The following ZDHHC11B variants were observed in gnomAD, a reference collection of about 807,000 sequenced individuals.
The protein encoded by ZDHHC11B is zDHHC palmitoyltransferase 11B (putative).
ZDHHC11B carries 17 observed loss-of-function variants against 42.3 expected under a neutral mutation model. That is an observed-to-expected ratio of 0.40 (90% CI 0.27 to 0.60). The LOEUF (loss-of-function observed/expected upper bound fraction) is 0.60, where lower values mean the gene tolerates loss of function less well. ZDHHC11B is among the 20% of genes least tolerant of loss of function. The pLI is 0.41. For missense variants in ZDHHC11B, 262 were observed against 463.2 expected (o/e 0.57, Z 3.99); for synonymous variants, 123 against 193.5 (o/e 0.64, Z 3.02).
chr5:739,285 GTACT>G (rs1486721202), intron 10 of ZDHHC11B, among the ~76,000 whole-genome samples: 1 of 150,754 alleles, frequency 6.6e-6, no homozygotes, highest in African/African-American at 2.5e-5. Context: ...GTAATCCCAG[GTACT>G]TGGGAGCCTG....
chr5:741,958 G>A (rs551870240), intron 9 of ZDHHC11B, among the ~76,000 whole-genome samples: 5 of 131,806 alleles, frequency 3.8e-5, no homozygotes, highest in African/African-American at 1.4e-4. Flanking sequence ...ACCAGCCCTC[G>A]GTGGTGTCTG....
intron 12 of ZDHHC11B, among the ~76,000 whole-genome samples, chr5:729,620 C>G (rs1462041054): frequency 5.3e-5 from 8 of 151,100 alleles, no homozygotes; most frequent in African/African-American, 2.0e-4. Context: ...TACCTTTCCA[C>G]TTCATTTTCT....
intron 11 of ZDHHC11B, chr5:732,152 T>G (rs745693380): frequency 0.017 from 2,688 of 157,254 alleles, 107 homozygotes; most frequent in African/African-American, 0.059. Context: ...TGCCACGGAC[T>G]TGGGTGTCAG....
At chr5:760,260 A>G (rs1227631801) in intron 4 of ZDHHC11B, among the ~76,000 whole-genome samples, 5 of 151,796 alleles carry the variant, frequency 3.3e-5, no homozygotes, top group African/African-American at 1.2e-4. Context: ...GCACCCGTGG[A>G]TGTGACCTCG....
At chr5:717,966 A>G (rs1242492554) in intron 12 of ZDHHC11B, among the ~76,000 whole-genome samples, 1 of 151,894 alleles carries the variant, frequency 6.6e-6, no homozygotes, top group Non-Finnish European at 1.5e-5. Context: ...TAGTCTTGGT[A>G]GACACAGAGA....
rs1741335920 is a variant in ZDHHC11B, at chr5:711,163, C to T, written c.*1127G>A. ...GGCTCCCCTTTCCCAGTACTGTGCTCCGCTTTCCCAGTACTATGCTCCCAT... is the reference window on the plus strand; with the variant it reads ...GGCTCCCCTTTCCCAGTACTGTGCTTCGCTTTCCCAGTACTATGCTCCCAT... On this transcript the variant is annotated 3_prime_UTR_variant, in exon 14 of 14. Coordinates refer to ENST00000508859, the MANE Select transcript of ZDHHC11B (RefSeq NM_001351303.2). 6.5e-6 allele frequency: 1 copy of T among 155,022 alleles called. No individual in the cohort carries two copies. Among genetic ancestry groups the T allele is most frequent in the African/African-American group, 2.4e-5 (1 of 41,086 alleles). 9.6% of individuals were successfully genotyped at this position (155,022 alleles called of 1,614,324 possible).
At position 730,429 on chromosome 5, in the gene ZDHHC11B, C is replaced by T. The variant is rs1742933496; in HGVS notation, c.1058+5G>A. The T allele has an allele frequency of 6.3e-7, 1 of 1,578,938 alleles. No individual in the cohort carries two copies. Among genetic ancestry groups the T allele is most frequent in the South Asian group, 1.2e-5 (1 of 83,200 alleles). On this transcript the variant is annotated splice_donor_5th_base_variant and intron_variant, in intron 12 of 13. Transcript: ENST00000508859. Reference sequence around the variant, plus strand: ...AAAACGTTCCCATTAAACTTACGAACTTACCCAAGTGTAGATGTACTCGGG... The same window carrying T: ...AAAACGTTCCCATTAAACTTACGAATTTACCCAAGTGTAGATGTACTCGGG...
intron 12 of ZDHHC11B, among the ~76,000 whole-genome samples, chr5:726,050 C>T (rs1252302677): frequency 6.7e-5 from 9 of 134,276 alleles, no homozygotes; most frequent in Non-Finnish European, 4.8e-5. Context: ...TGGTCAGCTA[C>T]GTCCACCCAT....
chr5:729,020 A>T lies in ZDHHC11B; in HGVS notation c.1058+1414T>A, dbSNP rs191730227. On this transcript the variant is annotated intron_variant, in intron 12 of 13. Transcript: ENST00000508859. ...AGAGAAAGACCCTGTCTCAAAAAAAAAAAAAAATGTTGCTCCATGATCCAG... is the reference window on the plus strand; with the variant it reads ...AGAGAAAGACCCTGTCTCAAAAAAATAAAAAAATGTTGCTCCATGATCCAG... Among the ~76,000 whole-genome samples, 1,048 of 151,276 alleles carry T rather than the reference A, an allele frequency of 6.9e-3. 10 individuals are homozygous for T. The highest frequency in any genetic ancestry group is 9.7e-3 in the Non-Finnish European group (654 of 67,590).
At chr5:748,306 G>A in intron 8 of ZDHHC11B, 98 bp downstream of exon 8, 1 of 890,556 alleles carries the variant, frequency 1.1e-6, no homozygotes, top group South Asian at 1.8e-5. Flanking sequence ...CAGGTGTGGG[G>A]GGCTCAGGGT....
chr5:765,819 G>A lies in ZDHHC11B; in HGVS notation c.222+879C>T, dbSNP rs1423535831. Among the ~76,000 whole-genome samples, 13 of 151,854 alleles carry A rather than the reference G, an allele frequency of 8.6e-5. 1 individual carries two copies. The highest frequency in any genetic ancestry group is 2.1e-4 in the South Asian group (1 of 4,790). On this transcript the variant is annotated intron_variant, in intron 4 of 13. Coordinates refer to ENST00000508859, the MANE Select transcript of ZDHHC11B (RefSeq NM_001351303.2). Reference sequence around the variant, plus strand: ...AGAAGGAACAAACTCCAGACACGCCGCCTTTAAGAACTGTAACACTCACCG... The same window carrying A: ...AGAAGGAACAAACTCCAGACACGCCACCTTTAAGAACTGTAACACTCACCG...
At chr5:778,175 G>C (rs1176249288) in intron 1 of ZDHHC11B, among the ~76,000 whole-genome samples, 5 of 151,828 alleles carry the variant, frequency 3.3e-5, no homozygotes, top group Admixed American at 1.3e-4. Flanking sequence ...TGCCCAGCCA[G>C]TGCCCACCAC....
rs532211645 is a variant in ZDHHC11B at position 726,254 on chromosome 5, G to A, written c.1058+4180C>T. 1.1e-4 allele frequency among the ~76,000 whole-genome samples: 16 copies of A among 151,644 alleles called. 1 individual carries two copies. The East Asian group carries it at 3.1e-3, about 29-fold the overall frequency. ...CAAAGCGTGACATGATTTAAACAAAGTCCCTGATCGCTAGAAACAGATGTT... is the reference window on the plus strand; with the variant it reads ...CAAAGCGTGACATGATTTAAACAAAATCCCTGATCGCTAGAAACAGATGTT... On this transcript the variant is annotated intron_variant, in intron 12 of 13. Coordinates refer to ENST00000508859, the MANE Select transcript of ZDHHC11B (RefSeq NM_001351303.2).
chr5:722,635 T>C (rs1482407824), intron 12 of ZDHHC11B, among the ~76,000 whole-genome samples: 6 of 151,642 alleles, frequency 4.0e-5, no homozygotes, highest in African/African-American at 9.7e-5. Context: ...CTGGACATTC[T>C]AGCAATTGCA....
At position 784,039 on chromosome 5, in the gene ZDHHC11B, C is replaced by A. The variant is rs549869516; in HGVS notation, c.-230+629G>T. Among the ~76,000 whole-genome samples, 440 of 151,614 alleles carry A rather than the reference C, an allele frequency of 2.9e-3. 4 individuals carry two copies. The highest frequency in any genetic ancestry group is 4.9e-3 in the Non-Finnish European group (332 of 67,784). On this transcript the variant is annotated intron_variant, in intron 1 of 13. Coordinates refer to ENST00000508859, the MANE Select transcript of ZDHHC11B (RefSeq NM_001351303.2). ...GGGGTGCGGGAAGGTGTCCCGGCAG[C>A]GCCTCTCCATCGCCACAGGCCCGCG... is the stretch of plus-strand genomic sequence containing the variant.
intron 1 of ZDHHC11B, among the ~76,000 whole-genome samples, chr5:778,495 G>A (rs1321060647): frequency 6.6e-6 from 1 of 151,024 alleles, no homozygotes; most frequent in Non-Finnish European, 1.5e-5. Flanking sequence ...CCAGGGGCTG[G>A]TCCCTCATCC....
intron 6 of ZDHHC11B, among the ~76,000 whole-genome samples, chr5:752,079 G>T (rs1284384643): frequency 4.0e-5 from 5 of 124,922 alleles, no homozygotes; most frequent in African/African-American, 1.3e-4. Flanking sequence ...CGCAGGCTGG[G>T]TCCCCTCAGG....
chr5:753,002 GC>G (rs59829273), intron 6 of ZDHHC11B, among the ~76,000 whole-genome samples: 81,435 of 117,724 alleles, frequency 0.69, 32,310 homozygotes, highest in East Asian at 0.88. Flanking sequence ...TCTCCCCGCA[GC>G]CACCCAGGGA....
chr5:761,856 A>G (rs1217287971), intron 4 of ZDHHC11B, among the ~76,000 whole-genome samples: 7 of 151,996 alleles, frequency 4.6e-5, no homozygotes, highest in African/African-American at 1.7e-4. Context: ...AGCCTCTCAC[A>G]GACCAGACAG....
Sources: gnomAD v4.1 joint callset for allele counts (sites outside exome capture counted in the v4.1 genomes callset) on GRCh38, gnomAD v4.1.1 for gene constraint, MANE v1.5 for transcripts, NCBI Gene and HGNC (gene_info 2026-07-23, HGNC 2026-07-21) for gene names.